Variants in TSHZ2 observed in about 807,000 individuals in gnomAD.
The protein encoded by TSHZ2 is teashirt homolog 2.
A neutral mutation model predicts 74.4 loss-of-function variants in TSHZ2; 21 were observed. That is an observed-to-expected ratio of 0.28 (90% CI 0.20 to 0.41). The LOEUF (loss-of-function observed/expected upper bound fraction) is 0.41, where lower values mean the gene tolerates loss of function less well. TSHZ2 is among the 10% of genes least tolerant of loss of function. The pLI is 1.00. For synonymous variants in TSHZ2, 540 were observed against 515.3 expected (o/e 1.05, Z -0.65); for missense variants, 1,244 against 1,293.5 (o/e 0.96, Z 0.59).
chr20:53,377,968 C>A (rs992859146), intron 2 of TSHZ2, among the ~76,000 whole-genome samples: 2 of 152,122 alleles, frequency 1.3e-5, no homozygotes, highest in Non-Finnish European at 2.9e-5. Flanking sequence ...CTTTCCACTA[C>A]GGGAAATGTG....
chr20:53,178,806 G>T (rs1444266471), intron 1 of TSHZ2: 2 of 152,186 alleles, frequency 1.3e-5, no homozygotes, highest in East Asian at 1.9e-4. Flanking sequence ...TCCAGTCATA[G>T]CATCGCCAAA....
chr20:53,427,795 T>C (rs1983707100), intron 2 of TSHZ2, among the ~76,000 whole-genome samples: 1 of 152,144 alleles, frequency 6.6e-6, no homozygotes, highest in Non-Finnish European at 1.5e-5. Context: ...CTCCAGTGAA[T>C]CCCAGCTGCA....
rs1600613661 is a variant in TSHZ2, at chr20:53,405,678, A to G, written c.*9-81466A>G. On this transcript the variant is annotated intron_variant, in intron 2 of 2. Coordinates refer to ENST00000371497, the MANE Select transcript of TSHZ2 (RefSeq NM_173485.6). ...GCAGCTAGTGATGAGAGACAAGAGG[A>G]AAAGATAGCAGAACAAGGTGATAAA... is the stretch of plus-strand genomic sequence containing the variant. 2.6e-5 allele frequency among the ~76,000 whole-genome samples: 4 copies of G among 152,300 alleles called. No homozygotes were observed. In the South Asian group the frequency reaches 8.3e-4, roughly 32 times the overall value.
chr20:53,357,979 C>T (rs976472689), intron 2 of TSHZ2, among the ~76,000 whole-genome samples: 1 of 152,096 alleles, frequency 6.6e-6, no homozygotes, highest in Non-Finnish European at 1.5e-5. Context: ...CTAATTCTAC[C>T]CTAAACTAAG....
chr20:53,469,863 A>T (rs1985737858), intron 2 of TSHZ2, among the ~76,000 whole-genome samples: 1 of 142,096 alleles, frequency 7.0e-6, no homozygotes, highest in Non-Finnish European at 1.6e-5. Flanking sequence ...GAAGGAAGGA[A>T]GGACCCAAGA....
At chr20:53,069,886 G>C (rs1293437) in intron 1 of TSHZ2, among the ~76,000 whole-genome samples, 1 of 151,864 alleles carries the variant, frequency 6.6e-6, no homozygotes, top group Non-Finnish European at 1.5e-5. Flanking sequence ...ATGAAAATCA[G>C]CTTATTCTAA....
intron 2 of TSHZ2, among the ~76,000 whole-genome samples, chr20:53,280,755 C>T (rs150197882): frequency 5.0e-4 from 76 of 151,984 alleles, no homozygotes; most frequent in Middle Eastern, 6.8e-3. Flanking sequence ...TACAGTGGCG[C>T]GATCTCAGCT....
In TSHZ2 at chr20:53,183,107, C is replaced by G. The variant is rs186083654; in HGVS notation, c.41-70392C>G. 1.6e-4 allele frequency among the ~76,000 whole-genome samples: 25 copies of G among 152,282 alleles called. No homozygotes were observed. The East Asian group carries it at 4.4e-3, about 27-fold the overall frequency. On this transcript the variant is annotated intron_variant, in intron 1 of 2. Transcript: ENST00000371497. ...ACAGTGTGTACTGGATCCCTGGCAG[C>G]TGAGAAAGGACCCTTCCCCTGGCTG... is the stretch of plus-strand genomic sequence containing the variant.
intron 1 of TSHZ2, among the ~76,000 whole-genome samples, chr20:52,980,533 T>C (rs758702865): frequency 2.0e-5 from 3 of 152,272 alleles, no homozygotes; most frequent in Non-Finnish European, 4.4e-5. Flanking sequence ...TACTCTAAAA[T>C]CACCCCTGAG....
chr20:53,285,058 G>A (rs1482340973), intron 2 of TSHZ2, among the ~76,000 whole-genome samples: 1 of 152,170 alleles, frequency 6.6e-6, no homozygotes, highest in Non-Finnish European at 1.5e-5. Flanking sequence ...GACAGATGGT[G>A]GCCCCAGGCA....
At chr20:53,182,123 T>TTTCTCTCCCTCCC (rs751602863) in intron 1 of TSHZ2, among the ~76,000 whole-genome samples, 3 of 151,188 alleles carry the variant, frequency 2.0e-5, no homozygotes, top group Admixed American at 6.6e-5. Context: ...TCCTCCCTTC[T>TTTCTCTCCCTCCC]TTCTCTCCCT....
chr20:53,174,032 A>G (rs115209751), intron 1 of TSHZ2, among the ~76,000 whole-genome samples: 1,605 of 152,324 alleles, frequency 0.011, 23 homozygotes, highest in African/African-American at 0.036. Context: ...GGCCCTGACC[A>G]CAGGGAAATT....
chr20:53,445,473 A>T (rs1984512884), intron 2 of TSHZ2, among the ~76,000 whole-genome samples: 1 of 152,216 alleles, frequency 6.6e-6, no homozygotes, highest in Non-Finnish European at 1.5e-5. Context: ...CCGGAATGCC[A>T]TACAGTGAGC....
In TSHZ2 at chr20:53,117,297, A is replaced by T. The variant is rs140933300; in HGVS notation, c.41-136202A>T. ...CTGTCTGCAAGAGATAACATATGGC[A>T]TATCTTCCTTACCAAGAACAATTTG... On this transcript the variant is annotated intron_variant, in intron 1 of 2. Transcript: ENST00000371497. Among the ~76,000 whole-genome samples the T allele has an allele frequency of 4.2e-3, 634 of 152,372 alleles. 1 individual carries two copies. The highest frequency in any genetic ancestry group is 7.4e-3 in the Non-Finnish European group (506 of 68,034).
intron 2 of TSHZ2, among the ~76,000 whole-genome samples, chr20:53,433,569 A>T (rs1464052684): frequency 8.8e-6 from 1 of 113,046 alleles, no homozygotes; most frequent in African/African-American, 3.8e-5. Context: ...ACCAACACAG[A>T]CACACAGACA....
intron 1 of TSHZ2, among the ~76,000 whole-genome samples, chr20:53,006,443 G>T (rs1353051606): frequency 6.6e-6 from 1 of 152,184 alleles, no homozygotes; most frequent in Non-Finnish European, 1.5e-5. Flanking sequence ...TAGATGCCTT[G>T]CATGGAAGCA....
At chr20:53,185,375 C>G (rs1381869466) in intron 1 of TSHZ2, 2 of 1,206,916 alleles carry the variant, frequency 1.7e-6, no homozygotes, top group Admixed American at 3.6e-5. Flanking sequence ...GTGATAGCCT[C>G]TGACTTAAGA....
chr20:53,256,436 A>C lies in TSHZ2; in HGVS notation c.2978A>C (p.Lys993Thr). The change falls in exon 2 of 3, where the codon AAA (lysine) becomes ACA (threonine). Residue 993 changes from lysine to threonine, a missense_variant. Transcript: ENST00000371497. The surrounding 1 kb of genome is among the most constrained non-coding windows in gnomAD (Gnocchi z 4.3). ...TIAAEEDTDS[K>T]FKCKLCCRTF... ...GCTGCCGAAGAGGACACAGACTCTA[A>C]ATTCAAGTGTAAGTTGTGCTGTCGG... 6.2e-7 allele frequency: 1 copy of C among 1,614,168 alleles called. No homozygotes were observed. Among genetic ancestry groups the C allele is most frequent in the South Asian group, 1.1e-5 (1 of 91,078 alleles).
At chr20:53,066,085 G>A (rs907043826) in intron 1 of TSHZ2, among the ~76,000 whole-genome samples, 2 of 152,130 alleles carry the variant, frequency 1.3e-5, no homozygotes, top group African/African-American at 2.4e-5. Flanking sequence ...TTGCTCAGTT[G>A]CAGCACGCAA....
Sources: gnomAD v4.1 joint callset for allele counts (sites outside exome capture counted in the v4.1 genomes callset) on GRCh38, gnomAD v4.1.1 for gene constraint, Gnocchi (gnomAD v3.1) non-coding constraint, MANE v1.5 for transcripts, NCBI Gene and HGNC (gene_info 2026-07-23, HGNC 2026-07-21) for gene names.